FAIM2: variants seen among roughly 807,000 people sequenced by gnomAD.
FAIM2 encodes the protein Fas apoptotic inhibitory molecule 2.
In FAIM2, 27 loss-of-function variants were observed where a neutral mutation model predicts 47.4. That is an observed-to-expected ratio of 0.57 (90% CI 0.42 to 0.78). The LOEUF is 0.78. FAIM2 is among the 30% of genes least tolerant of loss of function. The pLI is 0.00. For missense variants in FAIM2, 311 were observed against 389.4 expected, an observed-to-expected ratio of 0.80 and a Z score of 1.69; for synonymous variants, 156 against 159.3, an observed-to-expected ratio of 0.98 and a Z score of 0.16.
At chr12:49,881,493 G>C (rs1192393035) in intron 11 of FAIM2, among the ~76,000 whole-genome samples, 5 of 152,040 alleles carry the variant, frequency 3.3e-5, no homozygotes, top group African/African-American at 1.2e-4. Context: ...CTCTGAGATG[G>C]GGCAACCTGC....
intron 5 of FAIM2, among the ~76,000 whole-genome samples, chr12:49,893,763 ACATCCTGCTCCGTGAGGGACAGCAGAGC>A (rs1199570736): frequency 6.6e-6 from 1 of 152,166 alleles, no homozygotes; most frequent in East Asian, 1.9e-4. Context: ...GGGCTGCTGA[ACATCCTGCTCCGTGAGGGACAGCAGAGC>A]CATCCTGCCC....
At chr12:49,875,448 G>GA (rs970440100) in intron 11 of FAIM2, among the ~76,000 whole-genome samples, 5 of 152,150 alleles carry the variant, frequency 3.3e-5, no homozygotes, top group Admixed American at 3.3e-4. Flanking sequence ...AGGGAGTGAA[G>GA]AGAGACCACT....
At chr12:49,882,957 C>A (rs780231228) in intron 11 of FAIM2, among the ~76,000 whole-genome samples, 1 of 152,100 alleles carries the variant, frequency 6.6e-6, no homozygotes, top group Non-Finnish European at 1.5e-5. Context: ...AGATGCGCTA[C>A]AGAGAGAGGG....
At chr12:49,879,822 G>C (rs1324718917) in intron 11 of FAIM2, among the ~76,000 whole-genome samples, 1 of 151,694 alleles carries the variant, frequency 6.6e-6, no homozygotes. Flanking sequence ...ATGTGCATGT[G>C]TATATGTGCG....
At chr12:49,897,180 C>A in intron 4 of FAIM2, 96 bp from the exon 5 acceptor site, 1 of 1,091,986 alleles carries the variant, frequency 9.2e-7, no homozygotes, top group Non-Finnish European at 1.4e-6. Context: ...GTTCACAGAA[C>A]TTGAGAGGAA....
At chr12:49,873,562 T>C (rs1437457040) in intron 11 of FAIM2, among the ~76,000 whole-genome samples, 2 of 152,122 alleles carry the variant, frequency 1.3e-5, no homozygotes, top group Non-Finnish European at 2.9e-5. Context: ...CAGAGCCTGG[T>C]CACCCCTGGG....
At position 49,897,037 on chromosome 12, in the gene FAIM2, G is replaced by A; in HGVS notation, c.428C>T (p.Ala143Val). The A allele has an allele frequency of 1.9e-6, 3 of 1,612,382 alleles. No homozygotes were observed. Among genetic ancestry groups the A allele is most frequent in the Non-Finnish European group, 2.5e-6 (3 of 1,178,370 alleles). The change falls in exon 5 of 12, where the codon GCA (alanine) becomes GTA (valine). Residue 143 changes from alanine to valine, a missense_variant. Transcript: ENST00000320634. The part of the protein sequence containing the change: ...YVQANPGWYW[A>V]SYAVFFATYL... ...GGGACTGAGATATACTCACTAGGAT[G>A]CCCAGTACCAGCCTGGGTTGGCCTG...
At chr12:49,893,668 ACCCTTT>A (rs1329511410) in intron 5 of FAIM2, among the ~76,000 whole-genome samples, 1 of 152,072 alleles carries the variant, frequency 6.6e-6, no homozygotes, top group East Asian at 1.9e-4. Context: ...CTTCAACTTA[ACCCTTT>A]CCTGGTCTTC....
chr12:49,891,813 T>C (rs1020109018), intron 5 of FAIM2, among the ~76,000 whole-genome samples: 4 of 152,082 alleles, frequency 2.6e-5, no homozygotes, highest in African/African-American at 9.7e-5. Flanking sequence ...CCACGTCCAG[T>C]GGGAGGCTGG....
chr12:49,893,486 G>A (rs1946914812), intron 5 of FAIM2, among the ~76,000 whole-genome samples: 1 of 152,206 alleles, frequency 6.6e-6, no homozygotes, highest in African/African-American at 2.4e-5. Flanking sequence ...GGGCCAGCCT[G>A]CAACTTATCA....
chr12:49,891,001 G>C (rs1592791916), intron 6 of FAIM2, 63 bp downstream of exon 6: 3 of 1,539,342 alleles, frequency 1.9e-6, no homozygotes, highest in East Asian at 4.5e-5. Flanking sequence ...GGCAGGGCTG[G>C]GGCCAGAATT....
At chr12:49,889,593 C>T in intron 8 of FAIM2, 25 bp from the exon 9 acceptor site, 1 of 1,603,496 alleles carries the variant, frequency 6.2e-7, no homozygotes, top group Non-Finnish European at 8.5e-7. Context: ...GCCGAGGGGT[C>T]AGCTCTCAGG....
chr12:49,891,524 G>A (rs1946900238), intron 5 of FAIM2, among the ~76,000 whole-genome samples: 1 of 152,092 alleles, frequency 6.6e-6, no homozygotes, highest in Admixed American at 6.6e-5. Context: ...GGGAGGTCAG[G>A]CGACTTGTCC....
chr12:49,883,524 T>C (rs1190965375), intron 11 of FAIM2, among the ~76,000 whole-genome samples: 1 of 152,076 alleles, frequency 6.6e-6, no homozygotes, highest in African/African-American at 2.4e-5. Context: ...GTTTTGTACA[T>C]GTGAAGTCTG....
In FAIM2 at chr12:49,898,047, A is replaced by T; in HGVS notation, c.255T>A (p.His85Gln). 3 of 1,613,694 alleles carry T rather than the reference A, an allele frequency of 1.9e-6. No homozygotes were observed. Among genetic ancestry groups the T allele is most frequent in the Non-Finnish European group, 2.5e-6 (3 of 1,179,780 alleles). Reference sequence around the variant, plus strand: ...CCCAGCTGAAAGTGGTGAAGAGCTCATGGTCTCCGGTGGGGAAACCGTTGT... The same window carrying T: ...CCCAGCTGAAAGTGGTGAAGAGCTCTTGGTCTCCGGTGGGGAAACCGTTGT... Reference protein sequence around the residue: ...SYDNGFPTGDHELFTTFSWDD... With the variant: ...SYDNGFPTGDQELFTTFSWDD... The change falls in exon 3 of 12, where the codon CAT (histidine) becomes CAA (glutamine). Residue 85 changes from histidine (H) to glutamine (Q), a missense_variant. By Grantham distance (24) the His-to-Gln change is conservative. Transcript: ENST00000320634.
intron 11 of FAIM2, among the ~76,000 whole-genome samples, chr12:49,878,524 G>A (rs1592785453): frequency 4.1e-5 from 1 of 24,668 alleles, no homozygotes; most frequent in African/African-American, 2.8e-4. Context: ...GCATATGACT[G>A]TGTATGTGCA....
chr12:49,889,057 G>A (rs12370742), intron 10 of FAIM2, 50 bp downstream of exon 10: 1 of 1,419,762 alleles, frequency 7.0e-7, no homozygotes, highest in Non-Finnish European at 9.8e-7. Flanking sequence ...CCTTGGGCCA[G>A]TGGGGCCCCT....
Position 49,874,917 on chromosome 12 carries a change from G to A in FAIM2, c.802-4264C>T, listed in dbSNP as rs1434969573. ...GGAAACATCTGTGACAGACGCTACTGTGAGAAAAAAGCAAGTTGTGAAAAA... is the reference window on the plus strand; with the variant it reads ...GGAAACATCTGTGACAGACGCTACTATGAGAAAAAAGCAAGTTGTGAAAAA... On this transcript the variant is annotated intron_variant, in intron 11 of 11. Coordinates refer to ENST00000320634, the MANE Select transcript of FAIM2 (RefSeq NM_012306.4). This position sits in a 1 kb window ranked among gnomAD's most constrained non-coding sequence, Gnocchi z 4.2. 2.0e-5 allele frequency among the ~76,000 whole-genome samples: 3 copies of A among 152,138 alleles called. No homozygotes were observed. The highest frequency in any genetic ancestry group is 4.4e-5 in the Non-Finnish European group (3 of 68,018).
chr12:49,902,633 G>A (rs1159560976), intron 1 of FAIM2, among the ~76,000 whole-genome samples: 1 of 151,990 alleles, frequency 6.6e-6, no homozygotes, highest in African/African-American at 2.4e-5. Flanking sequence ...AGGAGACTCA[G>A]CAGAAGGGGT....
Sources: allele counts gnomAD v4.1 joint callset (sites outside exome capture counted in the v4.1 genomes callset), GRCh38; gene constraint gnomAD v4.1.1; non-coding constraint Gnocchi (gnomAD v3.1); transcripts MANE v1.5; gene names NCBI Gene and HGNC (gene_info 2026-07-23, HGNC 2026-07-21).